GNB1: variants seen among roughly 807,000 people sequenced by gnomAD.
GNB1 encodes the protein G protein subunit beta 1.
In GNB1, 2 loss-of-function variants were observed where a neutral mutation model predicts 42.9. The observed-to-expected ratio is 0.05, with a 90% CI of 0.02 to 0.15. The LOEUF is 0.15. GNB1 is among the 10% of genes least tolerant of loss of function. The probability of loss-of-function intolerance (pLI) is 1.00; values close to 1 mark genes in which losing one functional copy is unlikely to be tolerated. For synonymous variants in GNB1, 183 were observed against 174.7 expected, an observed-to-expected ratio of 1.05 and a Z score of -0.38; for missense variants, 193 against 462.2, an observed-to-expected ratio of 0.42 and a Z score of 5.34.
chr1:1,844,387 T>C (rs1198804934), intron 1 of GNB1, among the ~76,000 whole-genome samples: 1 of 39,786 alleles, frequency 2.5e-5, no homozygotes, highest in East Asian at 5.7e-4. Context: ...TGAGACTCCG[T>C]CTCCAAAAAA....
chr1:1,837,092 T>C (rs571317535), intron 2 of GNB1, among the ~76,000 whole-genome samples: 85 of 152,286 alleles, frequency 5.6e-4, no homozygotes, highest in African/African-American at 1.9e-3. Context: ...TCTCTGTTTT[T>C]TCTAAGGAGC....
intron 7 of GNB1, among the ~76,000 whole-genome samples, chr1:1,794,467 C>T (rs371273007): frequency 3.3e-5 from 5 of 152,250 alleles, no homozygotes; most frequent in African/African-American, 1.2e-4. Flanking sequence ...TGGCCCTAAT[C>T]TGAAGATTCA....
At chr1:1,865,155 G>A (rs538079920) in intron 1 of GNB1, among the ~76,000 whole-genome samples, 151 of 144,850 alleles carry the variant, frequency 1.0e-3, no homozygotes, top group African/African-American at 3.1e-3. Flanking sequence ...CCAGCAACTC[G>A]GGAGGCTGAG....
intron 1 of GNB1, among the ~76,000 whole-genome samples, chr1:1,859,598 A>G (rs1648502785): frequency 6.6e-6 from 1 of 151,468 alleles, no homozygotes; most frequent in Non-Finnish European, 1.5e-5. Context: ...GCCAACGGAG[A>G]CTGATTGGCA....
intron 1 of GNB1, among the ~76,000 whole-genome samples, chr1:1,874,866 C>T (rs986123969): frequency 2.6e-5 from 4 of 151,814 alleles, no homozygotes; most frequent in Non-Finnish European, 4.4e-5. Context: ...CAGCAGCGGT[C>T]ACCAACCTTT....
At chr1:1,841,813 C>A (rs553079355) in intron 1 of GNB1, among the ~76,000 whole-genome samples, 1 of 152,282 alleles carries the variant, frequency 6.6e-6, no homozygotes, top group East Asian at 1.9e-4. Context: ...AAATTAAACA[C>A]AGAATTACCC....
chr1:1,852,324 G>GT (rs939325109), intron 1 of GNB1, among the ~76,000 whole-genome samples: 2 of 152,032 alleles, frequency 1.3e-5, no homozygotes, highest in African/African-American at 4.8e-5. Flanking sequence ...CGCCTCCCGG[G>GT]TTCACACCAT....
At chr1:1,820,240 G>GT (rs930774116) in intron 3 of GNB1, among the ~76,000 whole-genome samples, 13 of 150,944 alleles carry the variant, frequency 8.6e-5, no homozygotes, top group African/African-American at 2.9e-4. Flanking sequence ...ACCTGTAATC[G>GT]TAACTATTTG....
At chr1:1,846,223 A>G (rs1557923795) in intron 1 of GNB1, among the ~76,000 whole-genome samples, 1 of 152,022 alleles carries the variant, frequency 6.6e-6, no homozygotes, top group Admixed American at 6.6e-5. Context: ...AAAAAAAAAA[A>G]GAGGAAAAGC....
At position 1,879,372 on chromosome 1, in the gene GNB1, G is replaced by C. The variant is rs543926410; in HGVS notation, c.-96+11448C>G. On this transcript the variant is annotated intron_variant, in intron 1 of 11. Transcript: ENST00000378609. ...AAAAATGTTTATCATTTGAAAATAAGCCCACTGCATGTTACCATACATAAC... is the reference window on the plus strand; with the variant it reads ...AAAAATGTTTATCATTTGAAAATAACCCCACTGCATGTTACCATACATAAC... 3.9e-5 allele frequency among the ~76,000 whole-genome samples: 6 copies of C among 152,182 alleles called. No individual in the cohort carries two copies. In the South Asian group the frequency reaches 1.2e-3, roughly 32 times the overall value.
intron 2 of GNB1, among the ~76,000 whole-genome samples, chr1:1,830,756 G>A (rs960721662): frequency 2.0e-5 from 3 of 151,822 alleles, no homozygotes; most frequent in East Asian, 3.9e-4. Flanking sequence ...TATGTTGCCC[G>A]GGCTGGTCTC....
intron 1 of GNB1, among the ~76,000 whole-genome samples, chr1:1,852,967 G>T (rs549137155): frequency 1.1e-4 from 16 of 152,142 alleles, no homozygotes; most frequent in African/African-American, 3.1e-4. Flanking sequence ...GCACTGCAGC[G>T]CTCTGAGGGT....
At chr1:1,834,556 G>A (rs1308622251) in intron 2 of GNB1, among the ~76,000 whole-genome samples, 1 of 152,080 alleles carries the variant, frequency 6.6e-6, no homozygotes, top group Non-Finnish European at 1.5e-5. Context: ...GTAACTGATG[G>A]AGTCTCATGA....
intron 1 of GNB1, among the ~76,000 whole-genome samples, chr1:1,863,914 C>T (rs1277353852): frequency 6.6e-6 from 1 of 152,180 alleles, no homozygotes; most frequent in Admixed American, 6.5e-5. Context: ...ACAAGAGGGT[C>T]TGGGCCAGGC....
chr1:1,870,955 A>AT (rs1452668579), intron 1 of GNB1, among the ~76,000 whole-genome samples: 5 of 151,952 alleles, frequency 3.3e-5, no homozygotes, highest in Non-Finnish European at 7.4e-5. Flanking sequence ...ATAAAATAAA[A>AT]ACAGAACTCT....
chr1:1,860,639 A>G (rs1169367735), intron 1 of GNB1, among the ~76,000 whole-genome samples: 2 of 148,096 alleles, frequency 1.4e-5, no homozygotes, highest in Non-Finnish European at 3.0e-5. Flanking sequence ...TCCATCTCCA[A>G]CAAAAAAAAA....
intron 3 of GNB1, among the ~76,000 whole-genome samples, chr1:1,824,720 A>G (rs762104536): frequency 1.3e-5 from 2 of 151,918 alleles, no homozygotes; most frequent in Admixed American, 6.6e-5. Flanking sequence ...ATACAGGCAC[A>G]CACCACCACA....
Position 1,787,678 on chromosome 1 carries a change from T to C in GNB1, c.917-241A>G, listed in dbSNP as rs1326695144. On this transcript the variant is annotated intron_variant, in intron 10 of 11. Coordinates refer to ENST00000378609, the MANE Select transcript of GNB1 (RefSeq NM_002074.5). The surrounding 1 kb of genome is among the most constrained non-coding windows in gnomAD (Gnocchi z 4.4). ...ATCGATAAATCCAGAGCCCCTGGCA[T>C]TGACTTCTCAGCACTCACTTATAAA... 6.6e-6 allele frequency among the ~76,000 whole-genome samples: 1 copy of C among 152,104 alleles called. No individual in the cohort carries two copies. Among genetic ancestry groups the C allele is most frequent in the Non-Finnish European group, 1.5e-5 (1 of 68,016 alleles).
chr1:1,856,853 A>G (rs1284399209), intron 1 of GNB1, among the ~76,000 whole-genome samples: 1 of 152,250 alleles, frequency 6.6e-6, no homozygotes, highest in Admixed American at 6.5e-5. Flanking sequence ...ATTTAAAACA[A>G]AAAATATTAT....
Sources: gnomAD v4.1 joint callset for allele counts (sites outside exome capture counted in the v4.1 genomes callset) on GRCh38, gnomAD v4.1.1 for gene constraint, Gnocchi (gnomAD v3.1) non-coding constraint, MANE v1.5 for transcripts, NCBI Gene and HGNC (gene_info 2026-07-23, HGNC 2026-07-21) for gene names.